ZSWIM5: variants seen among roughly 807,000 people sequenced by gnomAD.
ZSWIM5 encodes zinc finger SWIM domain-containing protein 5.
Under a neutral mutation model 119.6 loss-of-function variants are expected in ZSWIM5, and 55 were observed. That is an observed-to-expected ratio of 0.46 (90% CI 0.37 to 0.58). The LOEUF (loss-of-function observed/expected upper bound fraction) is 0.58. Ranked by LOEUF, ZSWIM5 falls within the 20% of genes least tolerant of loss-of-function variation. The pLI, the probability that ZSWIM5 is intolerant of heterozygous loss-of-function variation, is 0.00. For missense variants in ZSWIM5, 1,193 were observed against 1,512.8 expected (o/e 0.79, Z 3.51); for synonymous variants, 537 against 606.9 (o/e 0.88, Z 1.69).
At chr1:45,169,258 C>T (rs539548414) in intron 1 of ZSWIM5, among the ~76,000 whole-genome samples, 1 of 151,986 alleles carries the variant, frequency 6.6e-6, no homozygotes, top group East Asian at 1.9e-4. Context: ...CTTTAAAACT[C>T]AACCATACCA....
intron 1 of ZSWIM5, among the ~76,000 whole-genome samples, chr1:45,115,430 C>T (rs561604951): frequency 1.3e-3 from 196 of 149,218 alleles, no homozygotes; most frequent in Admixed American, 3.6e-3. Flanking sequence ...ACGGGGCGGC[C>T]GGGCAGAGAC....
At chr1:45,092,328 A>G (rs1645370890) in intron 1 of ZSWIM5, among the ~76,000 whole-genome samples, 1 of 151,882 alleles carries the variant, frequency 6.6e-6, no homozygotes, top group Admixed American at 6.6e-5. Context: ...ATGGAGTCTC[A>G]CTCTGTCGCC....
At chr1:45,076,810 C>T (rs920153313) in intron 2 of ZSWIM5, among the ~76,000 whole-genome samples, 1 of 151,920 alleles carries the variant, frequency 6.6e-6, no homozygotes, top group South Asian at 2.1e-4. Flanking sequence ...TTTTCGTCTC[C>T]TCTGACTGTG....
intron 2 of ZSWIM5, among the ~76,000 whole-genome samples, chr1:45,065,116 G>C (rs902912957): frequency 6.6e-6 from 1 of 152,196 alleles, no homozygotes; most frequent in Non-Finnish European, 1.5e-5. Context: ...GGGTTTCTGT[G>C]AAAAATGCAG....
At chr1:45,093,851 T>G (rs1557763472) in intron 1 of ZSWIM5, among the ~76,000 whole-genome samples, 1 of 150,452 alleles carries the variant, frequency 6.6e-6, no homozygotes, top group Non-Finnish European at 1.5e-5. Context: ...AGCTTGTTTT[T>G]TTTTTTTTTT....
intron 1 of ZSWIM5, among the ~76,000 whole-genome samples, chr1:45,182,148 G>A (rs1646023697): frequency 6.6e-6 from 1 of 152,200 alleles, no homozygotes; most frequent in Non-Finnish European, 1.5e-5. Flanking sequence ...CGGGCGCGGT[G>A]GCTCACGCCT....
At chr1:45,184,941 A>C (rs1646047776) in intron 1 of ZSWIM5, among the ~76,000 whole-genome samples, 2 of 152,188 alleles carry the variant, frequency 1.3e-5, no homozygotes, top group South Asian at 4.2e-4. Context: ...CTCATTGCCA[A>C]GTCAATCCTA....
At position 45,044,804 on chromosome 1, in the gene ZSWIM5, AATATAT is replaced by A. The variant is rs1239066301; in HGVS notation, c.1433-1415_1433-1410del. Among the ~76,000 whole-genome samples, 12 of 2,342 alleles carry A rather than the reference AATATAT, an allele frequency of 5.1e-3. 2 individuals are homozygous for A. The East Asian group carries it at 0.079, about 15-fold the overall frequency. The allele number at this position is 2,342 out of a possible 152,430, so 1.5% of individuals were successfully genotyped here. A position where few individuals can be genotyped will look rare whatever the true frequency, so the allele number is the denominator to read the frequency against. ...ATATATATATAAATATATATATATA[AATATAT>A]ATATATATATAAATATATATATATA... is the stretch of plus-strand genomic sequence containing the variant. On this transcript the variant is annotated intron_variant, in intron 5 of 13. Coordinates refer to ENST00000359600, the MANE Select transcript of ZSWIM5 (RefSeq NM_020883.2).
chr1:45,176,628 TTTAC>T (rs1645983453), intron 1 of ZSWIM5, among the ~76,000 whole-genome samples: 1 of 152,070 alleles, frequency 6.6e-6, no homozygotes, highest in Non-Finnish European at 1.5e-5. Flanking sequence ...CCTTAATTGA[TTTAC>T]TTAGTTGATC....
At chr1:45,171,007 A>G (rs1645943083) in intron 1 of ZSWIM5, among the ~76,000 whole-genome samples, 1 of 152,184 alleles carries the variant, frequency 6.6e-6, no homozygotes, top group African/African-American at 2.4e-5. Flanking sequence ...TAGTAATTAC[A>G]TTTATTTCAC....
At position 45,020,098 on chromosome 1, in the gene ZSWIM5, A is replaced by G. The variant is rs1273637038; in HGVS notation, c.2663T>C (p.Val888Ala). 1 of 1,614,082 alleles carries G rather than the reference A, an allele frequency of 6.2e-7. No homozygotes were observed. Among genetic ancestry groups the G allele is most frequent in the Non-Finnish European group, 8.5e-7 (1 of 1,180,022 alleles). ...TGTAGCACAGGTCACCAACCATCGTACCATCTCCCTGCGTCTCCAGTTAAG... is the reference window on the plus strand; with the variant it reads ...TGTAGCACAGGTCACCAACCATCGTGCCATCTCCCTGCGTCTCCAGTTAAG... ...STLNWRRREMVRWLVTCATEV... is the reference protein window; with the variant it reads ...STLNWRRREMARWLVTCATEV... The change falls in exon 13 of 14, where the codon GTA (valine) becomes GCA (alanine). Residue 888 changes from valine (V) to alanine (A), a missense_variant. Physicochemically the swap from Val to Ala is moderately conservative, Grantham distance 64. Transcript: ENST00000359600.
chr1:45,202,932 C>T (rs1189548494), intron 1 of ZSWIM5, among the ~76,000 whole-genome samples: 1 of 151,964 alleles, frequency 6.6e-6, no homozygotes, highest in African/African-American at 2.4e-5. Context: ...GTTTATACTA[C>T]TACTATATCC....
At chr1:45,059,586 G>T (rs1446353338) in intron 3 of ZSWIM5, among the ~76,000 whole-genome samples, 1 of 152,132 alleles carries the variant, frequency 6.6e-6, no homozygotes, top group African/African-American at 2.4e-5. Context: ...AAAGTTGATT[G>T]TGGTGATGGT....
At chr1:45,069,693 T>C (rs1645209996) in intron 2 of ZSWIM5, among the ~76,000 whole-genome samples, 1 of 152,182 alleles carries the variant, frequency 6.6e-6, no homozygotes, top group African/African-American at 2.4e-5. Flanking sequence ...ATATAGAGTA[T>C]ATTTTCTTTA....
chr1:45,163,663 A>C (rs1423303226), intron 1 of ZSWIM5, among the ~76,000 whole-genome samples: 1 of 152,232 alleles, frequency 6.6e-6, no homozygotes, highest in Non-Finnish European at 1.5e-5. Context: ...ATGGCACGAG[A>C]ACTATGTGAC....
intron 1 of ZSWIM5, among the ~76,000 whole-genome samples, chr1:45,192,950 T>G (rs1472898866): frequency 6.6e-6 from 1 of 152,222 alleles, no homozygotes; most frequent in Non-Finnish European, 1.5e-5. Context: ...CTGTACATTG[T>G]CTCTGGAGAA....
chr1:45,175,895 G>C (rs1645977385), intron 1 of ZSWIM5, among the ~76,000 whole-genome samples: 1 of 151,744 alleles, frequency 6.6e-6, no homozygotes, highest in Admixed American at 6.6e-5. Flanking sequence ...GCTGGCTTTT[G>C]TATCCTTTTT....
intron 11 of ZSWIM5, among the ~76,000 whole-genome samples, chr1:45,030,330 C>G (rs562405241): frequency 6.6e-5 from 10 of 152,052 alleles, no homozygotes; most frequent in South Asian, 4.1e-4. Context: ...TCACTGCAAC[C>G]TCTGCCTCCC....
intron 1 of ZSWIM5, among the ~76,000 whole-genome samples, chr1:45,090,624 A>T (rs1645359191): frequency 6.6e-6 from 1 of 152,012 alleles, no homozygotes; most frequent in Non-Finnish European, 1.5e-5. Context: ...ACTGCACAGT[A>T]AGGTAAAATA....
Sources: allele counts gnomAD v4.1 joint callset (sites outside exome capture counted in the v4.1 genomes callset), GRCh38; gene constraint gnomAD v4.1.1; transcripts MANE v1.5; gene names NCBI Gene and HGNC (gene_info 2026-07-23, HGNC 2026-07-21).